The following PALLD variants were observed in gnomAD, a reference collection of about 807,000 sequenced individuals.
PALLD encodes palladin.
A neutral mutation model predicts 123.5 loss-of-function variants in PALLD; 61 were observed. The observed-to-expected ratio is 0.49, with a 90% CI of 0.40 to 0.61. The LOEUF (loss-of-function observed/expected upper bound fraction) is 0.61. PALLD is among the 20% of genes least tolerant of loss of function. The pLI, the probability that PALLD is intolerant of heterozygous loss-of-function variation, is 0.00. For missense variants in PALLD, 1,273 were observed against 1,377.0 expected (o/e 0.92, Z 1.20); for synonymous variants, 465 against 496.4 (o/e 0.94, Z 0.84).
At chr4:168,894,960 A>C (rs1478274023) in intron 12 of PALLD, among the ~76,000 whole-genome samples, 1 of 152,114 alleles carries the variant, frequency 6.6e-6, no homozygotes, top group African/African-American at 2.4e-5. Flanking sequence ...CCTAAGTTTT[A>C]TGCAAAATAA....
intron 2 of PALLD, among the ~76,000 whole-genome samples, chr4:168,624,814 A>C (rs1775083394): frequency 6.6e-6 from 1 of 152,168 alleles, no homozygotes; most frequent in Admixed American, 6.5e-5. Flanking sequence ...CATTTACAAT[A>C]GTAATAACAA....
In PALLD at chr4:168,681,295, T is replaced by C. The variant is rs756984439; in HGVS notation, c.1088-37T>C. On this transcript the variant is annotated intron_variant, in intron 3 of 21. Transcript: ENST00000505667. ...TTGCAATTATTATAGATAACACTGATATCTTAACTTTACCATTATCTTTAA... is the reference window on the plus strand; with the variant it reads ...TTGCAATTATTATAGATAACACTGACATCTTAACTTTACCATTATCTTTAA... 7 of 1,177,724 alleles carry C rather than the reference T, an allele frequency of 5.9e-6. No homozygotes were observed. In the Admixed American group the frequency reaches 6.7e-5, roughly 11 times the overall value. The allele number at this position is 1,177,724 out of a possible 1,614,324, so 73.0% of individuals were successfully genotyped here.
At chr4:168,717,374 G>C (rs1297242709) in intron 10 of PALLD, among the ~76,000 whole-genome samples, 1 of 151,318 alleles carries the variant, frequency 6.6e-6, no homozygotes, top group Non-Finnish European at 1.5e-5. Flanking sequence ...ATGAAGTTTT[G>C]CTTTGTCACC....
At chr4:168,888,226 TA>T (rs1216379559) in intron 10 of PALLD, among the ~76,000 whole-genome samples, 3 of 152,346 alleles carry the variant, frequency 2.0e-5, no homozygotes, top group Admixed American at 1.3e-4. Context: ...AATGAGTTTG[TA>T]AAGTCTAGTG....
chr4:168,837,204 G>A (rs1011374028), intron 10 of PALLD, among the ~76,000 whole-genome samples: 5 of 152,128 alleles, frequency 3.3e-5, no homozygotes, highest in South Asian at 2.1e-4. Context: ...CACAGGTAGC[G>A]GAAGAAGTGA....
chr4:168,688,700 C>T (rs1782322346), intron 6 of PALLD, among the ~76,000 whole-genome samples: 1 of 152,148 alleles, frequency 6.6e-6, no homozygotes. Flanking sequence ...AAATGGCAAT[C>T]CTGGAATAAC....
intron 4 of PALLD, among the ~76,000 whole-genome samples, chr4:168,681,735 A>G (rs1355893884): frequency 1.3e-5 from 2 of 151,634 alleles, no homozygotes; most frequent in African/African-American, 2.4e-5. Flanking sequence ...TTTGGTAGAG[A>G]TGGGGTCTCA....
chr4:168,588,185 A>G (rs759277216), intron 2 of PALLD, among the ~76,000 whole-genome samples: 4 of 151,932 alleles, frequency 2.6e-5, no homozygotes, highest in Admixed American at 6.6e-5. Context: ...CCAGTTTCCT[A>G]CCAGGATCAC....
chr4:168,903,695 G>A, intron 14 of PALLD, 62 bp from the exon 15 acceptor site: 1 of 1,379,118 alleles, frequency 7.3e-7, no homozygotes, highest in Non-Finnish European at 1.0e-6. Flanking sequence ...ACTATTTTCA[G>A]TTCTCCAAAT....
chr4:168,627,369 G>T (rs1269277226), intron 2 of PALLD, among the ~76,000 whole-genome samples: 1 of 152,106 alleles, frequency 6.6e-6, no homozygotes, highest in Non-Finnish European at 1.5e-5. Flanking sequence ...AATTAGCCTG[G>T]CATGGTGGCG....
intron 10 of PALLD, among the ~76,000 whole-genome samples, chr4:168,721,101 G>A (rs1033545478): frequency 6.6e-6 from 1 of 152,172 alleles, no homozygotes; most frequent in Non-Finnish European, 1.5e-5. Flanking sequence ...ATCTGTGTTT[G>A]AAGTGGCACT....
At chr4:168,836,796 C>G (rs1745263393) in intron 10 of PALLD, among the ~76,000 whole-genome samples, 1 of 152,134 alleles carries the variant, frequency 6.6e-6, no homozygotes, top group Non-Finnish European at 1.5e-5. Flanking sequence ...AAACTCATTG[C>G]TGGGAACCCT....
chr4:168,711,975 C>T, intron 10 of PALLD, 52 bp downstream of exon 10: 4 of 1,514,208 alleles, frequency 2.6e-6, no homozygotes, highest in Non-Finnish European at 3.7e-6. Context: ...TGTTACATTT[C>T]CTGTCTGGTG....
intron 8 of PALLD, among the ~76,000 whole-genome samples, chr4:168,691,735 C>T (rs1561405735): frequency 6.6e-6 from 1 of 151,978 alleles, no homozygotes. Flanking sequence ...CAAAATGGAC[C>T]CCCAGGTGTT....
At chr4:168,916,257 C>T (rs1172117123) in intron 17 of PALLD, among the ~76,000 whole-genome samples, 1 of 152,006 alleles carries the variant, frequency 6.6e-6, no homozygotes, top group East Asian at 1.9e-4. Flanking sequence ...ACCAAAAATA[C>T]AAAAGTTAGC....
At chr4:168,914,179 C>T (rs577318115) in intron 16 of PALLD, 158 bp downstream of exon 16, 1 of 642,456 alleles carries the variant, frequency 1.6e-6, no homozygotes, top group Non-Finnish European at 2.8e-6. Context: ...TTATTATGCT[C>T]CCTTGTGATG....
chr4:168,684,109 G>A (rs1781801638), intron 5 of PALLD, among the ~76,000 whole-genome samples: 2 of 152,094 alleles, frequency 1.3e-5, no homozygotes, highest in Non-Finnish European at 2.9e-5. Context: ...TATTTATTGA[G>A]TGCTTAGTAC....
intron 2 of PALLD, among the ~76,000 whole-genome samples, chr4:168,548,347 A>G: frequency 2.5e-5 from 1 of 40,400 alleles, no homozygotes; most frequent in South Asian, 6.0e-4. Context: ...TAACTCAGGA[A>G]AAAAAAAAAA....
At chr4:168,766,164 C>T (rs1021468071) in intron 10 of PALLD, among the ~76,000 whole-genome samples, 7 of 152,132 alleles carry the variant, frequency 4.6e-5, no homozygotes, top group Non-Finnish European at 1.0e-4. Context: ...CGCAATAATA[C>T]CAATAGTAAC....
Sources: gnomAD v4.1 joint callset for allele counts (sites outside exome capture counted in the v4.1 genomes callset) on GRCh38, gnomAD v4.1.1 for gene constraint, MANE v1.5 for transcripts, NCBI Gene and HGNC (gene_info 2026-07-23, HGNC 2026-07-21) for gene names.